Variants in SLC14A1 observed in about 807,000 individuals in gnomAD.
SLC14A1 encodes the protein urea transporter 1.
A neutral mutation model predicts 39.6 loss-of-function variants in SLC14A1; 36 were observed. The ratio of observed to expected loss-of-function variants is 0.91; its 90% confidence interval spans 0.70 to 1.20. SLC14A1 has a LOEUF of 1.20. Among genes scored for constraint, SLC14A1 ranks in the 50% most tolerant of loss-of-function variants. SLC14A1 has a pLI of 0.00. For synonymous variants in SLC14A1, 164 were observed against 173.6 expected, an observed-to-expected ratio of 0.94 and a Z score of 0.43; for missense variants, 469 against 478.7, an observed-to-expected ratio of 0.98 and a Z score of 0.19.
chr18:45,732,968 G>A (rs2047077757), intron 4 of SLC14A1, among the ~76,000 whole-genome samples: 1 of 152,170 alleles, frequency 6.6e-6, no homozygotes, highest in African/African-American at 2.4e-5. Flanking sequence ...GGATGTATCT[G>A]GAGACCAATA....
Position 45,750,409 on chromosome 18 carries a change from T to G in SLC14A1, c.*458T>G. On this transcript the variant is annotated 3_prime_UTR_variant, in exon 10 of 10. Coordinates refer to ENST00000321925, the MANE Select transcript of SLC14A1 (RefSeq NM_015865.7). The stretch of plus-strand genomic sequence containing the variant: ...ATTCTGTGATAAGCAGCTTGGCTTT[T>G]TTTTTAAATCAATGCAAGTTACACA... 9.3e-7 allele frequency: 1 copy of G among 1,080,874 alleles called. No homozygotes were observed. The highest frequency in any genetic ancestry group is 1.1e-6 in the Non-Finnish European group (1 of 888,346). The allele number at this position is 1,080,874 out of a possible 1,614,324, so 67.0% of individuals were successfully genotyped here.
At position 45,734,307 on chromosome 18, in the gene SLC14A1, TG is replaced by T. The variant is rs2047119475; in HGVS notation, c.376del (p.Ala126ProfsTer30). 6.2e-7 allele frequency: 1 copy of T among 1,614,098 alleles called. No homozygotes were observed. The highest frequency in any genetic ancestry group is 8.5e-7 in the Non-Finnish European group (1 of 1,179,966). The stretch of plus-strand genomic sequence containing the variant: ...TAGCATCTGGGCTCTATGGCTACAA[TG>T]CCACCCTGGTGGGAGTACTCATGGC... ...LIASGLYGYNATLVGVLMAVF... is the reference protein window; with the variant it reads ...LIASGLYGYNXTLVGVLMAVF... On this transcript the variant is annotated frameshift_variant, in exon 5 of 10. Coordinates refer to ENST00000321925, the MANE Select transcript of SLC14A1 (RefSeq NM_015865.7). LOFTEE classifies it high-confidence loss of function.
chr18:45,749,625 T>G (rs3745006), intron 9 of SLC14A1, among the ~76,000 whole-genome samples, 153 bp from the exon 10 acceptor site: 70,442 of 151,812 alleles, frequency 0.46, 17,402 homozygotes, highest in Non-Finnish European at 0.56. Context: ...CCTGAGATTG[T>G]AAATTCAGTC....
At chr18:45,748,523 C>A in intron 9 of SLC14A1, 98 bp downstream of exon 9, 2 of 1,218,124 alleles carry the variant, frequency 1.6e-6, no homozygotes, top group Non-Finnish European at 2.4e-6. Context: ...CATCCAGTGG[C>A]AGGATCCATG....
intron 3 of SLC14A1, 128 bp downstream of exon 3, chr18:45,730,599 TCTA>T (rs1360146649): frequency 8.5e-6 from 9 of 1,060,396 alleles, no homozygotes; most frequent in African/African-American, 1.6e-5. Context: ...TCACCATTTT[TCTA>T]CTTTTATCTT....
Position 45,750,920 on chromosome 18 carries a change from CA to C in SLC14A1, c.*972del. ...GAGGATGTCTTATAAAGACTGAAGGCAAAGGTCAGATTGCTTACGGGTGTTA... is the reference window on the plus strand; with the variant it reads ...GAGGATGTCTTATAAAGACTGAAGGCAAGGTCAGATTGCTTACGGGTGTTA... On this transcript the variant is annotated 3_prime_UTR_variant, in exon 10 of 10. Coordinates refer to ENST00000321925, the MANE Select transcript of SLC14A1 (RefSeq NM_015865.7). 3 of 984,818 alleles carry C rather than the reference CA, an allele frequency of 3.0e-6. No homozygotes were observed. The highest frequency in any genetic ancestry group is 3.6e-6 in the Non-Finnish European group (3 of 829,442). 61.0% of individuals were successfully genotyped at this position (984,818 alleles called of 1,614,324 possible).
Position 45,750,210 on chromosome 18 carries a change from G to A in SLC14A1, c.*259G>A. ...GGGGCCTTGGCACTAAGACTGGAAT[G>A]TATATAAAGTCAAAGTGCTCCAACA... is the stretch of plus-strand genomic sequence containing the variant. On this transcript the variant is annotated 3_prime_UTR_variant, in exon 10 of 10. Transcript: ENST00000321925. 2 of 1,389,470 alleles carry A rather than the reference G, an allele frequency of 1.4e-6. No homozygotes were observed. The highest frequency in any genetic ancestry group is 1.9e-6 in the Non-Finnish European group (2 of 1,072,810). 86.1% of individuals were successfully genotyped at this position (1,389,470 alleles called of 1,614,324 possible).
At chr18:45,735,392 C>T (rs1351534515) in intron 5 of SLC14A1, among the ~76,000 whole-genome samples, 17 of 152,184 alleles carry the variant, frequency 1.1e-4, no homozygotes, top group Admixed American at 9.8e-4. Context: ...ACCACTGTGC[C>T]TACGTGAATT....
Position 45,740,744 on chromosome 18 carries a change from C to G in SLC14A1, c.946+1082C>G, listed in dbSNP as rs141974537. ...ATAGAGATGGGGTCTCCCTATGTTA[C>G]CCAGGCTGATCTTGAATTCCCGGGC... On this transcript the variant is annotated intron_variant, in intron 8 of 9. Transcript: ENST00000321925. Among the ~76,000 whole-genome samples the G allele has an allele frequency of 6.7e-3, 1,023 of 152,070 alleles. 13 individuals carry two copies. The highest frequency in any genetic ancestry group is 0.02 in the Middle Eastern group (6 of 294).
At chr18:45,730,196 A>G (rs553237057) in intron 2 of SLC14A1, 104 bp from the exon 3 acceptor site, 3 of 1,250,106 alleles carry the variant, frequency 2.4e-6, no homozygotes, top group Non-Finnish European at 3.3e-6. Flanking sequence ...TCTTAGTTCT[A>G]TGGAACATAG....
intron 8 of SLC14A1, among the ~76,000 whole-genome samples, chr18:45,742,174 G>A (rs1035779369): frequency 5.9e-5 from 9 of 152,164 alleles, no homozygotes; most frequent in Admixed American, 5.2e-4. Context: ...GAAGAAGGGG[G>A]CTTTTCCATA....
Position 45,750,539 on chromosome 18 carries a change from C to T in SLC14A1, c.*588C>T, listed in dbSNP as rs2047677324. ...CCCTATCCCTTGTGTGTGTGACATT[C>T]TCTCATGGGACAATGTTGGGGTTTT... On this transcript the variant is annotated 3_prime_UTR_variant, in exon 10 of 10. Coordinates refer to ENST00000321925, the MANE Select transcript of SLC14A1 (RefSeq NM_015865.7). 5 of 990,620 alleles carry T rather than the reference C, an allele frequency of 5.0e-6. No homozygotes were observed. The South Asian group carries it at 1.8e-4, about 36-fold the overall frequency. The allele number at this position is 990,620 out of a possible 1,614,324, so 61.4% of individuals were successfully genotyped here.
intron 2 of SLC14A1, among the ~76,000 whole-genome samples, chr18:45,725,554 G>A (rs902347486): frequency 3.3e-5 from 5 of 152,160 alleles, no homozygotes; most frequent in African/African-American, 7.2e-5. Flanking sequence ...CAAAGTGACC[G>A]TGAAGATAGT....
chr18:45,735,577 T>C (rs1278431509), intron 5 of SLC14A1, among the ~76,000 whole-genome samples: 1 of 152,242 alleles, frequency 6.6e-6, no homozygotes, highest in Non-Finnish European at 1.5e-5. Flanking sequence ...AAAATACTAA[T>C]ATGCACATAA....
At position 45,727,563 on chromosome 18, in the gene SLC14A1, C is replaced by T. The variant is rs535179708; in HGVS notation, c.-22+2550C>T. ...ACAGGGATCTTGGTCCAAAAAGCCC[C>T]ATGGCGCTCACCTTGGTTTAGAGGC... On this transcript the variant is annotated intron_variant, in intron 2 of 9. Transcript: ENST00000321925. 7 of 1,009,348 alleles carry T rather than the reference C, an allele frequency of 6.9e-6. No individual in the cohort carries two copies. In the South Asian group the frequency reaches 7.1e-5, roughly 10 times the overall value. The allele number at this position is 1,009,348 out of a possible 1,614,324, so 62.5% of individuals were successfully genotyped here.
chr18:45,731,507 A>C (rs2047029018), intron 4 of SLC14A1: 2 of 421,940 alleles, frequency 4.7e-6, no homozygotes, highest in African/African-American at 2.0e-5. Flanking sequence ...TGATTGATAA[A>C]ATTATTTGTC....
chr18:45,741,332 T>C (rs2047372938), intron 8 of SLC14A1, among the ~76,000 whole-genome samples: 1 of 152,138 alleles, frequency 6.6e-6, no homozygotes, highest in African/African-American at 2.4e-5. Context: ...TGAGATTTGC[T>C]TGGGAACAAA....
intron 8 of SLC14A1, among the ~76,000 whole-genome samples, chr18:45,746,684 G>C (rs1339691577): frequency 1.3e-5 from 2 of 152,206 alleles, no homozygotes; most frequent in Non-Finnish European, 2.9e-5. Context: ...TAACCAAGGA[G>C]AGAAACCCTT....
chr18:45,734,037 G>A (rs1360287442), intron 4 of SLC14A1: 5 of 465,628 alleles, frequency 1.1e-5, no homozygotes, highest in Non-Finnish European at 1.6e-5. Context: ...CTGTCCCTGG[G>A]GCCAAAAAGG....
Sources: gnomAD v4.1 joint callset for allele counts (sites outside exome capture counted in the v4.1 genomes callset) on GRCh38, gnomAD v4.1.1 for gene constraint, MANE v1.5 for transcripts, NCBI Gene and HGNC (gene_info 2026-07-23, HGNC 2026-07-21) for gene names.